The following ALK variants were observed in gnomAD, a reference collection of about 807,000 sequenced individuals.
ALK encodes the protein ALK tyrosine kinase receptor.
In ALK, 74 loss-of-function variants were observed where a neutral mutation model predicts 163.1. The observed-to-expected ratio is 0.45, with a 90% confidence interval of 0.38 to 0.55. The LOEUF is 0.55. ALK is among the 20% of genes least tolerant of loss of function. The probability of loss-of-function intolerance (pLI) is 0.00; values close to 1 mark genes in which losing one functional copy is unlikely to be tolerated. For missense variants in ALK, 2,063 were observed against 2,105.3 expected, an observed-to-expected ratio of 0.98 and a Z score of 0.39; for synonymous variants, 960 against 843.2, an observed-to-expected ratio of 1.14 and a Z score of -2.40.
intron 1 of ALK, among the ~76,000 whole-genome samples, chr2:29,776,156 A>G (rs1412991000): frequency 6.6e-6 from 1 of 151,714 alleles, no homozygotes; most frequent in African/African-American, 2.4e-5. Context: ...ACCTTCCTGG[A>G]AGAAGCATGA....
At chr2:29,769,662 G>A (rs577925819) in intron 1 of ALK, among the ~76,000 whole-genome samples, 29 of 152,286 alleles carry the variant, frequency 1.9e-4, no homozygotes, top group African/African-American at 6.7e-4. Flanking sequence ...TCCTTCAGAG[G>A]TGTTCCCTCT....
At chr2:29,578,186 G>A (rs911505577) in intron 3 of ALK, among the ~76,000 whole-genome samples, 9 of 151,828 alleles carry the variant, frequency 5.9e-5, no homozygotes, top group African/African-American at 1.7e-4. Flanking sequence ...TTTTAAAAAC[G>A]AGTTTCCCTA....
chr2:29,702,446 T>C (rs1678771422), intron 2 of ALK, among the ~76,000 whole-genome samples: 1 of 152,140 alleles, frequency 6.6e-6, no homozygotes, highest in African/African-American at 2.4e-5. Context: ...AAGTTGGGCC[T>C]GGGATGCCCT....
chr2:29,640,316 G>A (rs1676665619), intron 3 of ALK, among the ~76,000 whole-genome samples: 1 of 152,200 alleles, frequency 6.6e-6, no homozygotes. Flanking sequence ...GGATCATGGG[G>A]GTGGAATTCT....
At chr2:29,438,664 T>G (rs1335965581) in intron 4 of ALK, among the ~76,000 whole-genome samples, 2 of 152,176 alleles carry the variant, frequency 1.3e-5, no homozygotes, top group Non-Finnish European at 1.5e-5. Context: ...CACCTGACCT[T>G]CAGAGGGCTG....
At chr2:29,563,329 C>T (rs554143132) in intron 3 of ALK, among the ~76,000 whole-genome samples, 11 of 152,248 alleles carry the variant, frequency 7.2e-5, no homozygotes, top group East Asian at 3.9e-4. Context: ...CTAGATTCCA[C>T]GGGGTGGAGA....
chr2:29,600,397 G>T (rs1675349864), intron 3 of ALK, among the ~76,000 whole-genome samples: 1 of 152,198 alleles, frequency 6.6e-6, no homozygotes, highest in Admixed American at 6.5e-5. Context: ...AGGTGATTAT[G>T]GAATGAGAGG....
rs200215779 is a variant in ALK at position 29,884,549 on chromosome 2, G to GA, written c.667+35443dup. On this transcript the variant is annotated intron_variant, in intron 1 of 28. Coordinates refer to ENST00000389048, the MANE Select transcript of ALK (RefSeq NM_004304.5). ...TTGGGGTAAATACGTTTTTATGTCA[G>GA]ATTGAAAATAAAGCTTTTATATGAA... 5.0e-3 allele frequency among the ~76,000 whole-genome samples: 757 copies of GA among 152,276 alleles called. 8 individuals are homozygous for GA. The highest frequency in any genetic ancestry group is 0.017 in the African/African-American group (724 of 41,554).
intron 11 of ALK, 142 bp downstream of exon 11, chr2:29,274,957 T>C (rs1665494009): frequency 8.9e-7 from 1 of 1,119,750 alleles, no homozygotes; most frequent in African/African-American, 1.5e-5. Context: ...TTGGACCCCA[T>C]AGTCAGAGTG....
At chr2:29,549,968 C>G (rs35249434) in intron 3 of ALK, among the ~76,000 whole-genome samples, 4,033 of 152,142 alleles carry the variant, frequency 0.027, 61 homozygotes, top group Middle Eastern at 0.075. Context: ...TTGCCCTAAG[C>G]CCCTGGATAA....
At chr2:29,735,301 G>A (rs937987922) in intron 1 of ALK, among the ~76,000 whole-genome samples, 1 of 152,022 alleles carries the variant, frequency 6.6e-6, no homozygotes, top group African/African-American at 2.4e-5. Context: ...TAAGAGTGTT[G>A]ATACTTTTGA....
chr2:29,215,681 A>G (rs1290459260), intron 23 of ALK, among the ~76,000 whole-genome samples: 3 of 100,650 alleles, frequency 3.0e-5, no homozygotes, highest in African/African-American at 1.0e-4. Context: ...TGGAAGAGAG[A>G]GTGCCTGAAG....
chr2:29,209,806 C>A lies in ALK; in HGVS notation c.3816G>T (p.Gly1272=). 6.2e-7 allele frequency: 1 copy of A among 1,614,104 alleles called. No individual in the cohort carries two copies. The highest frequency in any genetic ancestry group is 2.2e-5 in the East Asian group (1 of 44,868). ...CTCACCTGTAGATGTCTCGGGCCAT[C>A]CCGAAGTCTCCAATCTTGGCCACTC... is the stretch of plus-strand genomic sequence containing the variant. The part of the protein sequence containing the change: ...PGRVAKIGDF[G]MARDIYRASY... Residue 1272 remains glycine (G), a synonymous_variant, in exon 25 of 29, where the codon GGG becomes GGT. Coordinates refer to ENST00000389048, the MANE Select transcript of ALK (RefSeq NM_004304.5).
intron 1 of ALK, among the ~76,000 whole-genome samples, chr2:29,877,457 G>C (rs146448661): frequency 6.6e-6 from 1 of 152,052 alleles, no homozygotes; most frequent in African/African-American, 2.4e-5. Flanking sequence ...TTGGCTTATT[G>C]TCTGTTCTCT....
intron 8 of ALK, among the ~76,000 whole-genome samples, chr2:29,303,722 G>A (rs1666430658): frequency 6.6e-6 from 1 of 152,174 alleles, no homozygotes; most frequent in South Asian, 2.1e-4. Context: ...AAGAAGTCAT[G>A]TCCTTTGCAG....
At chr2:29,658,346 C>T (rs919071625) in intron 3 of ALK, among the ~76,000 whole-genome samples, 1 of 152,110 alleles carries the variant, frequency 6.6e-6, no homozygotes, top group Admixed American at 6.6e-5. Context: ...GCTTCTCTTA[C>T]CTCACCTGAA....
At chr2:29,487,979 G>T (rs1671818135) in intron 4 of ALK, among the ~76,000 whole-genome samples, 1 of 152,018 alleles carries the variant, frequency 6.6e-6, no homozygotes, top group Non-Finnish European at 1.5e-5. Flanking sequence ...ATTTTCTTGG[G>T]TTGTTATTTT....
intron 1 of ALK, among the ~76,000 whole-genome samples, chr2:29,756,528 G>A (rs946135218): frequency 9.7e-6 from 1 of 103,290 alleles, no homozygotes; most frequent in African/African-American, 3.6e-5. Context: ...TTTACTCATT[G>A]ATTTTTTTTT....
intron 2 of ALK, among the ~76,000 whole-genome samples, chr2:29,716,636 G>C (rs1367640607): frequency 2.0e-5 from 3 of 152,138 alleles, no homozygotes; most frequent in South Asian, 4.1e-4. Flanking sequence ...GTCTGGCTTG[G>C]TAGCTGGAGA....
Sources: gnomAD v4.1 joint callset for allele counts (sites outside exome capture counted in the v4.1 genomes callset) on GRCh38, gnomAD v4.1.1 for gene constraint, MANE v1.5 for transcripts, NCBI Gene and HGNC (gene_info 2026-07-23, HGNC 2026-07-21) for gene names.